The following CCSER1 variants were observed in gnomAD, a reference collection of about 807,000 sequenced individuals.
The protein encoded by CCSER1 is coiled-coil serine rich protein 1.
CCSER1 carries 41 observed loss-of-function variants against 82.0 expected under a neutral mutation model. The observed-to-expected ratio is 0.50, with a 90% CI of 0.39 to 0.65. CCSER1 has a LOEUF of 0.65. Among genes scored for constraint, CCSER1 ranks in the 30% least tolerant of loss-of-function variants. The pLI is 0.00. For synonymous variants in CCSER1, 414 were observed against 383.9 expected (o/e 1.08, Z -0.92); for missense variants, 1,119 against 1,064.2 (o/e 1.05, Z -0.72).
Position 90,819,829 on chromosome 4 carries a change from C to T in CCSER1, c.2094+3984C>T, listed in dbSNP as rs1455329149. On this transcript the variant is annotated intron_variant, in intron 8 of 10. Coordinates refer to ENST00000509176, the MANE Select transcript of CCSER1 (RefSeq NM_001145065.2). ...GTGAGATTTACTGTTTTCAACAGAT[C>T]GAGATAAAAATAATCACTTGTAATT... 3.9e-5 allele frequency among the ~76,000 whole-genome samples: 6 copies of T among 152,092 alleles called. No individual in the cohort carries two copies. In the East Asian group the frequency reaches 9.7e-4, roughly 24 times the overall value.
At chr4:90,964,661 C>T (rs2150383311) in intron 9 of CCSER1, among the ~76,000 whole-genome samples, 1 of 133,838 alleles carries the variant, frequency 7.5e-6, no homozygotes, top group South Asian at 2.5e-4. Flanking sequence ...GGAGGCAGAG[C>T]TTGCAGTGAT....
chr4:90,517,646 T>C (rs1772466700), intron 5 of CCSER1, among the ~76,000 whole-genome samples: 1 of 152,094 alleles, frequency 6.6e-6, no homozygotes, highest in Admixed American at 6.6e-5. Flanking sequence ...TTTAAAGTTA[T>C]GTAATCATGA....
At chr4:91,320,201 G>C (rs905623374) in intron 10 of CCSER1, among the ~76,000 whole-genome samples, 1 of 151,964 alleles carries the variant, frequency 6.6e-6, no homozygotes, top group African/African-American at 2.4e-5. Context: ...CAAATGAAAA[G>C]GTGAAGGTTC....
chr4:91,168,139 G>A (rs191375117), intron 10 of CCSER1, among the ~76,000 whole-genome samples: 694 of 132,848 alleles, frequency 5.2e-3, no homozygotes, highest in Admixed American at 0.047. Flanking sequence ...CTGCCCGGCC[G>A]CCCCATCTGG....
intron 3 of CCSER1, among the ~76,000 whole-genome samples, chr4:90,397,504 G>A (rs1211798301): frequency 1.3e-5 from 2 of 152,164 alleles, no homozygotes; most frequent in African/African-American, 4.8e-5. Flanking sequence ...AGGAACTGCT[G>A]GAAACAGGAA....
chr4:90,297,884 G>A (rs1253635649), intron 1 of CCSER1, among the ~76,000 whole-genome samples: 1 of 152,054 alleles, frequency 6.6e-6, no homozygotes, highest in African/African-American at 2.4e-5. Context: ...TGTGCTGCTG[G>A]ATTCGGTTTG....
intron 5 of CCSER1, among the ~76,000 whole-genome samples, chr4:90,507,330 T>G (rs1379839302): frequency 6.6e-6 from 1 of 150,494 alleles, no homozygotes. Context: ...AATAAGAGGC[T>G]TGTAAGAGAG....
At chr4:90,405,291 A>T (rs1194428243) in intron 4 of CCSER1, among the ~76,000 whole-genome samples, 1 of 152,038 alleles carries the variant, frequency 6.6e-6, no homozygotes, top group African/African-American at 2.4e-5. Context: ...CTTTCAAATT[A>T]ACCCAATTCA....
chr4:90,180,313 A>G (rs940141576), intron 1 of CCSER1, among the ~76,000 whole-genome samples: 1 of 151,966 alleles, frequency 6.6e-6, no homozygotes, highest in African/African-American at 2.4e-5. Flanking sequence ...TGATGGCCAG[A>G]TGCGGTGCCT....
intron 6 of CCSER1, among the ~76,000 whole-genome samples, chr4:90,669,631 T>C (rs537921031): frequency 2.0e-5 from 3 of 152,190 alleles, no homozygotes; most frequent in South Asian, 4.1e-4. Flanking sequence ...CAACTAACAA[T>C]TGAGTCGAAC....
intron 8 of CCSER1, among the ~76,000 whole-genome samples, chr4:90,857,427 G>A (rs1385879536): frequency 1.3e-5 from 2 of 152,080 alleles, no homozygotes; most frequent in East Asian, 3.9e-4. Flanking sequence ...CACATGAGAC[G>A]AGTCCAGAGA....
At chr4:91,401,583 G>A (rs1752337621) in intron 10 of CCSER1, among the ~76,000 whole-genome samples, 1 of 151,762 alleles carries the variant, frequency 6.6e-6, no homozygotes, top group Non-Finnish European at 1.5e-5. Context: ...GGTGTGTGAT[G>A]TTCCCCACCA....
At chr4:90,161,182 G>C in intron 1 of CCSER1, among the ~76,000 whole-genome samples, 1 of 152,090 alleles carries the variant, frequency 6.6e-6, no homozygotes, top group East Asian at 1.9e-4. Flanking sequence ...CTCATCCTAT[G>C]TGCTTATTTT....
chr4:90,951,426 G>A (rs1267146716), intron 9 of CCSER1: 1 of 152,050 alleles, frequency 6.6e-6, no homozygotes, highest in Non-Finnish European at 1.5e-5. Context: ...TAGAGAATGT[G>A]TGAAAAAGTA....
At chr4:91,382,091 G>A (rs1244932979) in intron 10 of CCSER1, among the ~76,000 whole-genome samples, 2 of 152,184 alleles carry the variant, frequency 1.3e-5, no homozygotes, top group African/African-American at 2.4e-5. Flanking sequence ...AACAGCAAAT[G>A]TTGCTGCCTA....
chr4:90,271,856 A>ATG lies in CCSER1; in HGVS notation c.-41-36387_-41-36386insGT, dbSNP rs1560919631. Among the ~76,000 whole-genome samples, 67 of 26,086 alleles carry ATG rather than the reference A, an allele frequency of 2.6e-3. 2 individuals carry two copies. The highest frequency in any genetic ancestry group is 0.02 in the African/African-American group (64 of 3,204). The allele number at this position is 26,086 out of a possible 152,430, so 17.1% of individuals were successfully genotyped here. ...TATATATATATATATATATATATAT[A>ATG]TATATATTTTTTTTTTTTTTTTTTT... On this transcript the variant is annotated intron_variant, in intron 1 of 10. Coordinates refer to ENST00000509176, the MANE Select transcript of CCSER1 (RefSeq NM_001145065.2).
intron 8 of CCSER1, among the ~76,000 whole-genome samples, chr4:90,859,821 T>C (rs547302252): frequency 6.6e-6 from 1 of 151,892 alleles, no homozygotes; most frequent in South Asian, 2.1e-4. Context: ...GTGAATAATT[T>C]TGGATCTTTG....
At chr4:91,434,800 T>C (rs1754548035) in intron 10 of CCSER1, among the ~76,000 whole-genome samples, 2 of 152,234 alleles carry the variant, frequency 1.3e-5, no homozygotes, top group Admixed American at 1.3e-4. Context: ...TTACAACTTG[T>C]CCTCTTAGGT....
intron 8 of CCSER1, among the ~76,000 whole-genome samples, chr4:90,833,898 T>C (rs1761455778): frequency 6.6e-6 from 1 of 152,148 alleles, no homozygotes; most frequent in African/African-American, 2.4e-5. Context: ...TGGGTTATTA[T>C]AAAGCTAATT....
Sources: allele counts gnomAD v4.1 joint callset (sites outside exome capture counted in the v4.1 genomes callset), GRCh38; gene constraint gnomAD v4.1.1; transcripts MANE v1.5; gene names NCBI Gene and HGNC (gene_info 2026-07-23, HGNC 2026-07-21).